The following PTPN3 variants were observed in gnomAD, a reference collection of about 807,000 sequenced individuals.
The protein encoded by PTPN3 is protein tyrosine phosphatase non-receptor type 3.
In PTPN3, 96 loss-of-function variants were observed where a neutral mutation model predicts 132.7. That is an observed-to-expected ratio of 0.72 (90% confidence interval 0.61 to 0.86). The LOEUF (loss-of-function observed/expected upper bound fraction) is 0.86, where lower values mean the gene tolerates loss of function less well. Among genes scored for constraint, PTPN3 ranks in the 40% least tolerant of loss-of-function variants. The probability of loss-of-function intolerance (pLI) is 0.00; values close to 1 mark genes in which losing one functional copy is unlikely to be tolerated. For synonymous variants in PTPN3, 398 were observed against 429.0 expected (o/e 0.93, Z 0.89); for missense variants, 1,125 against 1,159.6 (o/e 0.97, Z 0.43).
At chr9:109,396,314 C>T (rs182155262) in intron 19 of PTPN3, among the ~76,000 whole-genome samples, 1 of 152,248 alleles carries the variant, frequency 6.6e-6, no homozygotes, top group East Asian at 1.9e-4. Context: ...AGGGATGGAA[C>T]GGAATGAGTT....
At chr9:109,530,942 G>A in the PTPN3 span, among the ~76,000 whole-genome samples, 1 of 151,964 alleles carries the variant, frequency 6.6e-6, no homozygotes. Context: ...GAGTTTTATG[G>A]GTTCTCTATA....
At chr9:109,380,259 A>C (rs1363262713) in intron 25 of PTPN3, among the ~76,000 whole-genome samples, 1 of 151,024 alleles carries the variant, frequency 6.6e-6, no homozygotes, top group East Asian at 1.9e-4. Flanking sequence ...CTATCTATCT[A>C]TCTATCTAGT....
At chr9:109,407,699 C>T (rs182754670) in intron 17 of PTPN3, among the ~76,000 whole-genome samples, 11 of 152,234 alleles carry the variant, frequency 7.2e-5, no homozygotes, top group Admixed American at 2.6e-4. Flanking sequence ...TGTGTGCCAC[C>T]ACACCCAGAT....
the PTPN3 span, among the ~76,000 whole-genome samples, chr9:109,529,102 C>A: frequency 6.6e-6 from 1 of 152,148 alleles, no homozygotes; most frequent in Non-Finnish European, 1.5e-5. Flanking sequence ...TTGTCTTCCA[C>A]CCCTTGAATT....
At chr9:109,405,119 T>A (rs2131723903) in intron 18 of PTPN3, among the ~76,000 whole-genome samples, 1 of 152,324 alleles carries the variant, frequency 6.6e-6, no homozygotes, top group South Asian at 2.1e-4. Context: ...CACGTAAATA[T>A]CGTAGTCCTA....
intron 1 of PTPN3, among the ~76,000 whole-genome samples, chr9:109,493,085 T>C (rs1013122100): frequency 1.3e-5 from 2 of 152,202 alleles, no homozygotes; most frequent in African/African-American, 2.4e-5. Context: ...ACAGATGATT[T>C]GTCTAGGCAC....
chr9:109,382,095 T>G (rs1197655371), intron 24 of PTPN3, among the ~76,000 whole-genome samples: 2 of 152,230 alleles, frequency 1.3e-5, no homozygotes. Flanking sequence ...GGGGATTTTC[T>G]TCTTCAGTTC....
At position 109,377,693 on chromosome 9, in the gene PTPN3, CA is replaced by C. The variant is rs1240588367; in HGVS notation, c.*1862del. The C allele has an allele frequency of 6.6e-6, 1 of 152,178 alleles. No individual in the cohort carries two copies. Among genetic ancestry groups the C allele is most frequent in the Non-Finnish European group, 1.5e-5 (1 of 68,046 alleles). 9.4% of individuals were successfully genotyped at this position (152,178 alleles called of 1,614,324 possible). On this transcript the variant is annotated 3_prime_UTR_variant, in exon 26 of 26. Coordinates refer to ENST00000374541, the MANE Select transcript of PTPN3 (RefSeq NM_002829.4). ...GATAACTAAACTTTTCTAAGTAACT[CA>C]CCCACAGCAGTGTCTGTTGCTGTTC...
the PTPN3 span, among the ~76,000 whole-genome samples, chr9:109,515,414 G>A: frequency 3.3e-5 from 5 of 152,108 alleles, no homozygotes; most frequent in East Asian, 1.9e-4. Context: ...ACTGCTGAGC[G>A]CAGGGGGGGT....
At position 109,384,319 on chromosome 9, in the gene PTPN3, G is replaced by A. The variant is rs111312394; in HGVS notation, c.2254-768C>T. Among the ~76,000 whole-genome samples, 892 of 152,308 alleles carry A rather than the reference G, an allele frequency of 5.9e-3. 10 individuals are homozygous for A. Among genetic ancestry groups the A allele is most frequent in the African/African-American group, 0.02 (834 of 41,560 alleles). Reference sequence around the variant, plus strand: ...TGAATACCTTTCTCACTGGAGCAGCGTCTCTGAAGCCCTTGAAGGCTTTCT... The same window carrying A: ...TGAATACCTTTCTCACTGGAGCAGCATCTCTGAAGCCCTTGAAGGCTTTCT... On this transcript the variant is annotated intron_variant, in intron 22 of 25. Coordinates refer to ENST00000374541, the MANE Select transcript of PTPN3 (RefSeq NM_002829.4).
At chr9:109,471,956 G>A (rs1241622987) in intron 1 of PTPN3, among the ~76,000 whole-genome samples, 1 of 152,146 alleles carries the variant, frequency 6.6e-6, no homozygotes, top group Admixed American at 6.5e-5. Flanking sequence ...TCTTTGTTAG[G>A]TGGGCATCCT....
At chr9:109,518,396 G>A in the PTPN3 span, among the ~76,000 whole-genome samples, 1 of 152,214 alleles carries the variant, frequency 6.6e-6, no homozygotes. Flanking sequence ...TGGAGGTGGA[G>A]TAGAGGCTGA....
intron 13 of PTPN3, among the ~76,000 whole-genome samples, chr9:109,421,808 CATCTCCTCT>C (rs1329486084): frequency 1.3e-5 from 2 of 152,150 alleles, no homozygotes; most frequent in African/African-American, 4.8e-5. Flanking sequence ...CCCAGCACAG[CATCTCCTCT>C]GTCTGCCTGT....
chr9:109,475,628 TCTG>T (rs1027111182), intron 1 of PTPN3, among the ~76,000 whole-genome samples: 25 of 152,186 alleles, frequency 1.6e-4, no homozygotes, highest in African/African-American at 5.8e-4. Context: ...ACAAAAATAC[TCTG>T]CTAATATTTG....
chr9:109,391,334 T>G, intron 20 of PTPN3, 135 bp from the exon 21 acceptor site: 2 of 1,271,324 alleles, frequency 1.6e-6, no homozygotes, highest in Non-Finnish European at 2.2e-6. Flanking sequence ...CTGTTCCGAG[T>G]CTGAAATGGC....
chr9:109,426,545 T>C (rs1843294512), intron 12 of PTPN3, among the ~76,000 whole-genome samples: 1 of 152,230 alleles, frequency 6.6e-6, no homozygotes, highest in Non-Finnish European at 1.5e-5. Context: ...TGTTTTTCTA[T>C]TCCTTCATTC....
chr9:109,404,603 G>A lies in PTPN3; in HGVS notation c.1798C>T (p.Arg600Cys), dbSNP rs148505458. 9.7e-5 allele frequency: 148 copies of A among 1,530,078 alleles called. No homozygotes were observed. Among genetic ancestry groups the A allele is most frequent in the South Asian group, 4.0e-5 (3 of 75,300 alleles). 94.8% of individuals were successfully genotyped at this position (1,530,078 alleles called of 1,614,324 possible). A position where few individuals can be genotyped will look rare whatever the true frequency, so the allele number is the denominator to read the frequency against. ...LALVIRRRAV[R>C]SFADFKSEDE... ...TCAGACTTGAAGTCAGCAAATGAGCGGACAGCTGTAACGTACAAGACAGTG... is the reference window on the plus strand; with the variant it reads ...TCAGACTTGAAGTCAGCAAATGAGCAGACAGCTGTAACGTACAAGACAGTG... The change falls in exon 19 of 26, where the codon CGC becomes TGC. Residue 600 changes from arginine to cysteine, a missense_variant. Transcript: ENST00000374541.
intron 9 of PTPN3, among the ~76,000 whole-genome samples, chr9:109,433,916 T>TTA (rs1564437088): frequency 3.1e-5 from 3 of 98,284 alleles, no homozygotes; most frequent in Non-Finnish European, 4.3e-5. Flanking sequence ...AGACTCTGTT[T>TTA]AAAAAAAAAA....
intron 19 of PTPN3, among the ~76,000 whole-genome samples, chr9:109,397,238 T>C (rs968161129): frequency 1.3e-5 from 2 of 152,226 alleles, no homozygotes. Context: ...ATTATCTTTA[T>C]GGGGACAGGA....
Sources: allele counts gnomAD v4.1 joint callset (sites outside exome capture counted in the v4.1 genomes callset), GRCh38; gene constraint gnomAD v4.1.1; transcripts MANE v1.5; gene names NCBI Gene and HGNC (gene_info 2026-07-23, HGNC 2026-07-21).